Variants in USP15 observed in about 807,000 individuals in gnomAD.
The protein encoded by USP15 is ubiquitin specific peptidase 15.
A neutral mutation model predicts 127.1 loss-of-function variants in USP15; 18 were observed. That is an observed-to-expected ratio of 0.14 (90% CI 0.10 to 0.21). The LOEUF is 0.21. USP15 is among the 10% of genes least tolerant of loss of function. The pLI is 1.00. For missense variants in USP15, 805 were observed against 1,159.9 expected (o/e 0.69, Z 4.44); for synonymous variants, 364 against 393.7 (o/e 0.92, Z 0.89).
At chr12:62,356,088 T>C (rs1459216199) in intron 8 of USP15, among the ~76,000 whole-genome samples, 1 of 151,802 alleles carries the variant, frequency 6.6e-6, no homozygotes, top group Admixed American at 6.6e-5. Context: ...AATATCACTG[T>C]TACTGTGTAT....
In USP15 at chr12:62,295,989, A is replaced by G. The variant is rs1257219272; in HGVS notation, c.217+1683A>G. Among the ~76,000 whole-genome samples, 3 of 133,316 alleles carry G rather than the reference A, an allele frequency of 2.3e-5. No individual in the cohort carries two copies. The South Asian group carries it at 7.2e-4, about 32-fold the overall frequency. 87.5% of individuals were successfully genotyped at this position (133,316 alleles called of 152,430 possible). A position where few individuals can be genotyped will look rare whatever the true frequency, so the allele number is the denominator to read the frequency against. ...CTAATCACACATACCCTTTAAAAAC[A>G]GAGAGTTTTCTCTGTCTGGTGGCAA... On this transcript the variant is annotated intron_variant, in intron 2 of 21. Coordinates refer to ENST00000280377, the MANE Select transcript of USP15 (RefSeq NM_001252078.2).
At chr12:62,346,078 G>A (rs2065808196) in intron 6 of USP15, among the ~76,000 whole-genome samples, 2 of 152,070 alleles carry the variant, frequency 1.3e-5, no homozygotes, top group South Asian at 2.1e-4. Context: ...AAAAAAGAGT[G>A]GTGTCATGAA....
chr12:62,308,474 T>G (rs1315724270), intron 3 of USP15, among the ~76,000 whole-genome samples: 2 of 151,938 alleles, frequency 1.3e-5, no homozygotes, highest in South Asian at 2.1e-4. Flanking sequence ...TGCCTGTACT[T>G]CTATTGGGAG....
intron 1 of USP15, among the ~76,000 whole-genome samples, chr12:62,276,942 A>C (rs2137074272): frequency 6.6e-6 from 1 of 152,232 alleles, no homozygotes; most frequent in African/African-American, 2.4e-5. Flanking sequence ...GTTTGTAATT[A>C]GTTTTCTTAT....
At chr12:62,282,857 ACT>A (rs1375096796) in intron 1 of USP15, among the ~76,000 whole-genome samples, 1 of 152,106 alleles carries the variant, frequency 6.6e-6, no homozygotes, top group Non-Finnish European at 1.5e-5. Flanking sequence ...GGGAGATAAA[ACT>A]CTATATCTTA....
intron 6 of USP15, chr12:62,327,621 A>G (rs1461345424): frequency 4.6e-6 from 2 of 435,034 alleles, no homozygotes; most frequent in African/African-American, 4.1e-5. Flanking sequence ...TTTTTGCCCA[A>G]AAGATGACTA....
At chr12:62,397,762 T>G (rs1221685282) in intron 20 of USP15, among the ~76,000 whole-genome samples, 2 of 150,146 alleles carry the variant, frequency 1.3e-5, no homozygotes, top group African/African-American at 4.9e-5. Context: ...GAGGCTGAGG[T>G]AGGAGAATCA....
chr12:62,332,044 G>T (rs150596550), intron 6 of USP15, among the ~76,000 whole-genome samples: 2 of 151,794 alleles, frequency 1.3e-5, no homozygotes, highest in Non-Finnish European at 2.9e-5. Context: ...GGCGCCTGTA[G>T]TCCCAGCTAC....
At chr12:62,382,292 TAAAA>T (rs71083991) in intron 9 of USP15, among the ~76,000 whole-genome samples, 7 of 151,856 alleles carry the variant, frequency 4.6e-5, no homozygotes, top group African/African-American at 1.7e-4. Flanking sequence ...TTTATATTGT[TAAAA>T]AAATGCCTAC....
intron 1 of USP15, among the ~76,000 whole-genome samples, chr12:62,289,203 TC>T (rs2063875580): frequency 6.9e-6 from 1 of 144,596 alleles, no homozygotes; most frequent in East Asian, 2.0e-4. Flanking sequence ...TCTGAATCTG[TC>T]CTCTCCTGAG....
intron 11 of USP15, among the ~76,000 whole-genome samples, chr12:62,385,877 A>G (rs2137588793): frequency 6.6e-6 from 1 of 152,222 alleles, no homozygotes; most frequent in Admixed American, 6.5e-5. Flanking sequence ...ACTGCAACAA[A>G]AAATAAATGT....
At chr12:62,304,669 A>T (rs1455084497) in intron 3 of USP15, 2 of 451,190 alleles carry the variant, frequency 4.4e-6, no homozygotes, top group Non-Finnish European at 8.9e-6. Context: ...TGCGTCATTT[A>T]TAGTGTCAAC....
At chr12:62,264,372 A>G (rs760122962) in intron 1 of USP15, among the ~76,000 whole-genome samples, 7 of 152,138 alleles carry the variant, frequency 4.6e-5, no homozygotes, top group Non-Finnish European at 8.8e-5. Context: ...CGTTTCCACC[A>G]TTTTTATTAA....
At chr12:62,374,138 T>C (rs1286661961) in intron 8 of USP15, among the ~76,000 whole-genome samples, 1 of 152,026 alleles carries the variant, frequency 6.6e-6, no homozygotes, top group Non-Finnish European at 1.5e-5. Context: ...AAAAAAACTG[T>C]TTAAAGGTAT....
At chr12:62,368,722 C>G (rs2066563464) in intron 8 of USP15, among the ~76,000 whole-genome samples, 1 of 152,106 alleles carries the variant, frequency 6.6e-6, no homozygotes, top group African/African-American at 2.4e-5. Context: ...AGATGGGTCT[C>G]CTGAATACAG....
intron 5 of USP15, among the ~76,000 whole-genome samples, chr12:62,324,180 A>G (rs1040803736): frequency 3.3e-5 from 5 of 152,160 alleles, no homozygotes; most frequent in African/African-American, 7.2e-5. Context: ...AGTTTTAACT[A>G]TAACAAAATT....
intron 8 of USP15, among the ~76,000 whole-genome samples, chr12:62,369,488 AT>A (rs2066591690): frequency 6.7e-6 from 1 of 149,810 alleles, no homozygotes; most frequent in Non-Finnish European, 1.5e-5. Flanking sequence ...CTGCTACCTG[AT>A]TTTTTTATTT....
intron 8 of USP15, among the ~76,000 whole-genome samples, chr12:62,362,906 C>G (rs1326419291): frequency 6.6e-6 from 1 of 151,940 alleles, no homozygotes. Context: ...TGAGCTTTGA[C>G]CAAAGAATAT....
intron 6 of USP15, chr12:62,335,596 T>A (rs1208115319): frequency 3.0e-6 from 3 of 1,001,298 alleles, no homozygotes; most frequent in Non-Finnish European, 3.6e-6. Flanking sequence ...AAACACCAGT[T>A]TATTATTTTT....
Sources: allele counts gnomAD v4.1 joint callset (sites outside exome capture counted in the v4.1 genomes callset), GRCh38; gene constraint gnomAD v4.1.1; transcripts MANE v1.5; gene names NCBI Gene and HGNC (gene_info 2026-07-23, HGNC 2026-07-21).